SASH1: variants seen among roughly 807,000 people sequenced by gnomAD.
The protein encoded by SASH1 is SAM and SH3 domain containing 1.
Under a neutral mutation model 125.2 loss-of-function variants are expected in SASH1, and 44 were observed. That is an observed-to-expected ratio of 0.35 (90% CI 0.28 to 0.45). The LOEUF is 0.45. SASH1 is among the 20% of genes least tolerant of loss of function. The probability of loss-of-function intolerance (pLI) is 1.00; values close to 1 mark genes in which losing one functional copy is unlikely to be tolerated. For synonymous variants in SASH1, 639 were observed against 649.1 expected (o/e 0.98, Z 0.24); for missense variants, 1,426 against 1,614.5 (o/e 0.88, Z 2.00).
chr6:148,540,357 A>C, intron 16 of SASH1, 86 bp from the exon 17 acceptor site: 1 of 981,166 alleles, frequency 1.0e-6, no homozygotes, highest in South Asian at 1.4e-5. Context: ...CAGGGCAGTA[A>C]CTGAGGATAA....
In SASH1 at chr6:148,292,722, T is replaced by C. The variant is rs569595966; in HGVS notation, n.74+20345T>C. On this transcript the variant is annotated intron_variant and non_coding_transcript_variant, in intron 1 of 3. Transcript: ENST00000367469. ...CAAGGGAAGAGGCATGTGAATTCCATTGATCGTAGGTTCAATGCCAGGCTT... is the reference window on the plus strand; with the variant it reads ...CAAGGGAAGAGGCATGTGAATTCCACTGATCGTAGGTTCAATGCCAGGCTT... Among the ~76,000 whole-genome samples, 59 of 152,230 alleles carry C rather than the reference T, an allele frequency of 3.9e-4. No individual in the cohort carries two copies. In the South Asian group the frequency reaches 0.011, roughly 29 times the overall value.
Position 148,337,059 on chromosome 6 carries a change from T to C in SASH1, n.75-53075T>C, listed in dbSNP as rs181739129. 2.4e-3 allele frequency among the ~76,000 whole-genome samples: 369 copies of C among 152,028 alleles called. 2 individuals are homozygous for C. Among genetic ancestry groups the C allele is most frequent in the Middle Eastern group, 6.8e-3 (2 of 294 alleles). On this transcript the variant is annotated intron_variant and non_coding_transcript_variant, in intron 1 of 3. Coordinates refer to the SASH1 transcript ENST00000367469. ...ATTCTGGCCCACAGTTAAGAACAAG[T>C]TTTTGTTTTGTTTTGTTTGGGACAG...
At chr6:148,369,274 G>A (rs999333431) in intron 1 of SASH1, among the ~76,000 whole-genome samples, 17 of 152,210 alleles carry the variant, frequency 1.1e-4, no homozygotes, top group African/African-American at 4.1e-4. Context: ...GGTTTGTCAT[G>A]AGTCTCTGGG....
At position 148,495,744 on chromosome 6, in the gene SASH1, ATAC is replaced by A. The variant is rs1227598287; in HGVS notation, c.729+8031_729+8033del. 6.6e-6 allele frequency among the ~76,000 whole-genome samples: 1 copy of A among 152,246 alleles called. No homozygotes were observed. Among genetic ancestry groups the A allele is most frequent in the Non-Finnish European group, 1.5e-5 (1 of 68,050 alleles). On this transcript the variant is annotated intron_variant, in intron 8 of 19. Transcript: ENST00000367467. This position sits in a 1 kb window ranked among gnomAD's most constrained non-coding sequence, Gnocchi z 4.0. Reference sequence around the variant, plus strand: ...GCATAAATTATGTGAAGAGTGACACATACTGTAGTACTTCAGTCGGCGTTGTAG... The same window carrying A: ...GCATAAATTATGTGAAGAGTGACACATGTAGTACTTCAGTCGGCGTTGTAG...
At position 148,408,269 on chromosome 6, in the gene SASH1, G is replaced by A. The variant is rs140548382; in HGVS notation, c.285+18007G>A. Among the ~76,000 whole-genome samples the A allele has an allele frequency of 5.5e-3, 812 of 148,582 alleles. 7 individuals carry two copies. Among genetic ancestry groups the A allele is most frequent in the African/African-American group, 0.019 (758 of 40,258 alleles). On this transcript the variant is annotated intron_variant, in intron 2 of 19. Transcript: ENST00000367467. The stretch of plus-strand genomic sequence containing the variant: ...ACTACAGGTGCCCGCCACCACGCCC[G>A]GCTAATTTTTGTATTTTTAGTAGAG...
intron 7 of SASH1, among the ~76,000 whole-genome samples, chr6:148,481,673 AAC>A (rs1183382976): frequency 6.6e-6 from 1 of 152,210 alleles, no homozygotes; most frequent in Non-Finnish European, 1.5e-5. Flanking sequence ...GAGCCGTCAG[AAC>A]ACACATATTT....
chr6:148,270,351 T>G (rs1284394399), upstream of SASH1, among the ~76,000 whole-genome samples: 1 of 147,376 alleles, frequency 6.8e-6, no homozygotes, highest in African/African-American at 2.5e-5. Context: ...TGGCAATATA[T>G]GCTTTTCCTT....
chr6:148,302,311 C>CAAAAAAAAAAAAAAAAAA (rs1174644909), intron 1 of SASH1, among the ~76,000 whole-genome samples: 1 of 44,872 alleles, frequency 2.2e-5, no homozygotes, highest in Non-Finnish European at 3.8e-5. Context: ...GACTCCGTCT[C>CAAAAAAAAAAAAAAAAAA]AAAAAAAAAA....
chr6:148,439,728 G>A (rs181101728), intron 2 of SASH1, among the ~76,000 whole-genome samples: 249 of 152,032 alleles, frequency 1.6e-3, no homozygotes, highest in African/African-American at 5.8e-3. Context: ...AGTGAGCCGA[G>A]GTCATGCCAC....
At chr6:148,384,648 GAGT>G (rs1783287496) in intron 1 of SASH1, among the ~76,000 whole-genome samples, 1 of 152,244 alleles carries the variant, frequency 6.6e-6, no homozygotes, top group Admixed American at 6.5e-5. Context: ...TATTTTTATG[GAGT>G]AGGTCTGTAG....
At chr6:148,542,558 T>A (rs977245882) in intron 17 of SASH1, among the ~76,000 whole-genome samples, 2 of 152,150 alleles carry the variant, frequency 1.3e-5, no homozygotes, top group Non-Finnish European at 2.9e-5. Context: ...GGCTAATTTT[T>A]TATATTTTTT....
At chr6:148,409,188 C>A (rs1225484652) in intron 2 of SASH1, among the ~76,000 whole-genome samples, 3 of 152,192 alleles carry the variant, frequency 2.0e-5, no homozygotes, top group Non-Finnish European at 4.4e-5. Flanking sequence ...AAATTCTAAG[C>A]ATCTGGATGG....
In SASH1 at chr6:148,395,990, C is replaced by G. The variant is rs114953871; in HGVS notation, c.285+5728C>G. 4.6e-3 allele frequency among the ~76,000 whole-genome samples: 699 copies of G among 152,106 alleles called. 7 individuals are homozygous for G. Among genetic ancestry groups the G allele is most frequent in the African/African-American group, 0.016 (669 of 41,494 alleles). ...GTGGCACGGAGCTGACAGAGAAGTCCCTACCCCCAGCAGCACTCTGTTGAT... is the reference window on the plus strand; with the variant it reads ...GTGGCACGGAGCTGACAGAGAAGTCGCTACCCCCAGCAGCACTCTGTTGAT... On this transcript the variant is annotated intron_variant, in intron 2 of 19. Transcript: ENST00000367467.
chr6:148,454,445 G>C (rs1336485021), intron 4 of SASH1, among the ~76,000 whole-genome samples: 1 of 152,234 alleles, frequency 6.6e-6, no homozygotes, highest in Non-Finnish European at 1.5e-5. Flanking sequence ...TAATCCGGCT[G>C]TTCTAAATTG....
chr6:148,370,881 G>T (rs878910982), intron 1 of SASH1, among the ~76,000 whole-genome samples: 1 of 152,084 alleles, frequency 6.6e-6, no homozygotes, highest in East Asian at 1.9e-4. Flanking sequence ...CCTAATAAGG[G>T]TCTCATTTTT....
intron 7 of SASH1, among the ~76,000 whole-genome samples, chr6:148,477,287 C>G (rs543615615): frequency 6.6e-6 from 1 of 152,162 alleles, no homozygotes; most frequent in African/African-American, 2.4e-5. Context: ...AACCCACATA[C>G]TGGGAGAAAA....
At chr6:148,309,575 C>T (rs909300025) in intron 1 of SASH1, among the ~76,000 whole-genome samples, 2 of 151,302 alleles carry the variant, frequency 1.3e-5, no homozygotes, top group Admixed American at 1.3e-4. Flanking sequence ...ACAGCCCTGG[C>T]TTGTACAACA....
chr6:148,399,214 CTTTTTT>C (rs371374910), intron 2 of SASH1, among the ~76,000 whole-genome samples: 8 of 106,672 alleles, frequency 7.5e-5, no homozygotes, highest in Middle Eastern at 5.3e-3. Context: ...ATTTCAGCTT[CTTTTTT>C]TTTTTTTTTT....
chr6:148,524,119 ATATT>A (rs1442615923), intron 10 of SASH1, among the ~76,000 whole-genome samples: 3 of 125,156 alleles, frequency 2.4e-5, no homozygotes, highest in South Asian at 2.7e-4. Context: ...ATATATATAT[ATATT>A]TTTTTTAATG....
Sources: allele counts gnomAD v4.1 joint callset (sites outside exome capture counted in the v4.1 genomes callset), GRCh38; gene constraint gnomAD v4.1.1; non-coding constraint Gnocchi (gnomAD v3.1); transcripts MANE v1.5; gene names NCBI Gene and HGNC (gene_info 2026-07-23, HGNC 2026-07-21).